The following RAB5C variants were observed in gnomAD, a reference collection of about 807,000 sequenced individuals.
RAB5C encodes the protein ras-related protein Rab-5C.
A neutral mutation model predicts 25.2 loss-of-function variants in RAB5C; 4 were observed. That is an observed-to-expected ratio of 0.16 (90% CI 0.08 to 0.36). The LOEUF (loss-of-function observed/expected upper bound fraction) is 0.36. RAB5C is among the 10% of genes least tolerant of loss of function. The pLI is 1.00. For synonymous variants in RAB5C, 100 were observed against 106.4 expected (o/e 0.94, Z 0.37); for missense variants, 199 against 283.8 (o/e 0.70, Z 2.15).
At position 42,125,441 on chromosome 17, in the gene RAB5C, C is replaced by G. The variant is rs1322021943; in HGVS notation, c.*342G>C. On this transcript the variant is annotated 3_prime_UTR_variant, in exon 6 of 6. Coordinates refer to ENST00000346213, the MANE Select transcript of RAB5C (RefSeq NM_004583.4). ...GAAAGAAAGGGTAGCTGCACTGACCCCACTGTCCCCATATACAAGGGTTGG... is the reference window on the plus strand; with the variant it reads ...GAAAGAAAGGGTAGCTGCACTGACCGCACTGTCCCCATATACAAGGGTTGG... 2 of 245,082 alleles carry G rather than the reference C, an allele frequency of 8.2e-6. No homozygotes were observed. Among genetic ancestry groups the G allele is most frequent in the African/African-American group, 4.5e-5 (2 of 43,994 alleles). The allele number at this position is 245,082 out of a possible 1,614,324, so 15.2% of individuals were successfully genotyped here. A position where few individuals can be genotyped will look rare whatever the true frequency, so the allele number is the denominator to read the frequency against.
intron 1 of RAB5C, among the ~76,000 whole-genome samples, chr17:42,135,935 T>C (rs1016339022): frequency 6.6e-5 from 10 of 152,170 alleles, no homozygotes; most frequent in East Asian, 1.9e-4. Context: ...GCGTAGAGAC[T>C]AGCTCACTCA....
intron 4 of RAB5C, among the ~76,000 whole-genome samples, chr17:42,127,756 TAA>T: frequency 6.6e-6 from 1 of 151,554 alleles, no homozygotes; most frequent in East Asian, 1.9e-4. Flanking sequence ...CTCGAACTCC[TAA>T]GCTCAAGTGA....
chr17:42,144,182 C>A (rs374446833), intron 1 of RAB5C, among the ~76,000 whole-genome samples: 4 of 152,152 alleles, frequency 2.6e-5, no homozygotes, highest in African/African-American at 7.2e-5. Context: ...ATAGGCCAGG[C>A]GCAGTGGCTC....
intron 1 of RAB5C, among the ~76,000 whole-genome samples, chr17:42,153,652 T>C (rs1438864306): frequency 6.6e-6 from 1 of 152,016 alleles, no homozygotes; most frequent in Non-Finnish European, 1.5e-5. Context: ...ATAGCAAGGG[T>C]CAGTCATGGC....
At chr17:42,131,438 A>G (rs1474316394) in intron 1 of RAB5C, among the ~76,000 whole-genome samples, 5 of 147,668 alleles carry the variant, frequency 3.4e-5, no homozygotes, top group Non-Finnish European at 7.4e-5. Context: ...ACACTGAAAC[A>G]CACACACACA....
chr17:42,131,247 G>A (rs1336203464), intron 1 of RAB5C, among the ~76,000 whole-genome samples: 2 of 152,150 alleles, frequency 1.3e-5, no homozygotes, highest in East Asian at 3.9e-4. Context: ...CTGTGCACCA[G>A]AATCAAAGCA....
chr17:42,126,704 G>A, intron 5 of RAB5C, 51 bp downstream of exon 5: 2 of 1,201,026 alleles, frequency 1.7e-6, no homozygotes, highest in Non-Finnish European at 1.2e-6. Context: ...CAGCAGACAG[G>A]TGATATGCCC....
chr17:42,150,239 T>A (rs2144101369), intron 1 of RAB5C, among the ~76,000 whole-genome samples: 1 of 152,066 alleles, frequency 6.6e-6, no homozygotes, highest in South Asian at 2.1e-4. Context: ...GTGCTAGGAT[T>A]ATAGGCATGA....
chr17:42,148,052 T>G (rs779537302), intron 1 of RAB5C, among the ~76,000 whole-genome samples: 1 of 151,308 alleles, frequency 6.6e-6, no homozygotes, highest in South Asian at 2.1e-4. Flanking sequence ...GAGCTGAGAT[T>G]GTGCCATTGC....
Position 42,128,819 on chromosome 17 carries a change from G to T in RAB5C, c.167-19C>A. The T allele has an allele frequency of 6.9e-7, 1 of 1,451,952 alleles. No individual in the cohort carries two copies. The highest frequency in any genetic ancestry group is 9.1e-7 in the Non-Finnish European group (1 of 1,097,788). The allele number at this position is 1,451,952 out of a possible 1,614,324, so 89.9% of individuals were successfully genotyped here. A position where few individuals can be genotyped will look rare whatever the true frequency, so the allele number is the denominator to read the frequency against. ...AAGGCCGCTGTAAGAGAGAAGGAGC[G>T]TCCATGGGCAAGAGCGAGTTGGAAT... On this transcript the variant is annotated intron_variant, in intron 2 of 5. Coordinates refer to ENST00000346213, the MANE Select transcript of RAB5C (RefSeq NM_004583.4).
intron 1 of RAB5C, among the ~76,000 whole-genome samples, chr17:42,142,996 C>T (rs758500014): frequency 4.6e-5 from 7 of 152,220 alleles, no homozygotes; most frequent in Non-Finnish European, 1.0e-4. Context: ...CATCTTCCCA[C>T]ACCTCCATAG....
chr17:42,149,830 T>G (rs1348435131), intron 1 of RAB5C, among the ~76,000 whole-genome samples: 3 of 152,022 alleles, frequency 2.0e-5, no homozygotes, highest in Non-Finnish European at 2.9e-5. Context: ...CAGCAGACAT[T>G]TTGTTTTTGT....
chr17:42,126,587 G>T, intron 5 of RAB5C, 168 bp downstream of exon 5: 1 of 372,584 alleles, frequency 2.7e-6, no homozygotes, highest in South Asian at 4.3e-5. Flanking sequence ...AGTCGAGATC[G>T]TGCCACTGAA....
rs1054592414 is a variant in RAB5C, at chr17:42,154,923, G to T, written c.-119C>A. On this transcript the variant is annotated 5_prime_UTR_variant, in exon 1 of 6. Coordinates refer to ENST00000346213, the MANE Select transcript of RAB5C (RefSeq NM_004583.4). ...CTCCGGGGCGGCGGCGTTACTTGGG[G>T]CCGGGGCTCGGACGGGATCCGCTTC... is the stretch of plus-strand genomic sequence containing the variant. The T allele has an allele frequency of 6.6e-6, 1 of 152,424 alleles. No homozygotes were observed. The highest frequency in any genetic ancestry group is 6.5e-5 in the Admixed American group (1 of 15,280). 9.4% of individuals were successfully genotyped at this position (152,424 alleles called of 1,614,324 possible). A position where few individuals can be genotyped will look rare whatever the true frequency, so the allele number is the denominator to read the frequency against.
intron 1 of RAB5C, among the ~76,000 whole-genome samples, chr17:42,149,779 G>T (rs1156977813): frequency 6.6e-6 from 1 of 151,644 alleles, no homozygotes; most frequent in East Asian, 1.9e-4. Flanking sequence ...TCTACAAAAT[G>T]AGACAATTTG....
At chr17:42,138,695 C>T (rs911837880) in intron 1 of RAB5C, among the ~76,000 whole-genome samples, 2 of 152,182 alleles carry the variant, frequency 1.3e-5, no homozygotes, top group Non-Finnish European at 2.9e-5. Context: ...ATGGGGTCCA[C>T]CAGAGCCCCA....
At position 42,125,754 on chromosome 17, in the gene RAB5C, G is replaced by GGCGGGGGCA; in HGVS notation, c.*20_*28dup. 6.6e-7 allele frequency: 1 copy of GGCGGGGGCA among 1,504,484 alleles called. No homozygotes were observed. The highest frequency in any genetic ancestry group is 9.1e-7 in the Non-Finnish European group (1 of 1,103,140). The allele number at this position is 1,504,484 out of a possible 1,614,324, so 93.2% of individuals were successfully genotyped here. On this transcript the variant is annotated 3_prime_UTR_variant, in exon 6 of 6. Coordinates refer to ENST00000346213, the MANE Select transcript of RAB5C (RefSeq NM_004583.4). ...CCAGTCGGGTCATTCAGGCGGAGGA[G>GGCGGGGGCA]GCGGGGGCAGCGGGCAGGCAAGGGG...
intron 1 of RAB5C, among the ~76,000 whole-genome samples, chr17:42,133,700 C>A (rs2054508818): frequency 6.6e-6 from 1 of 152,238 alleles, no homozygotes; most frequent in South Asian, 2.1e-4. Flanking sequence ...TTCTGAATCA[C>A]TTTGTAGAAG....
chr17:42,147,144 AAGAGAGAGAG>A (rs572493429), intron 1 of RAB5C, among the ~76,000 whole-genome samples: 13 of 99,674 alleles, frequency 1.3e-4, no homozygotes, highest in African/African-American at 5.3e-4. Flanking sequence ...GAAAGAAAGA[AAGAGAGAGAG>A]AGAGAGAGAG....
Sources: allele counts gnomAD v4.1 joint callset (sites outside exome capture counted in the v4.1 genomes callset), GRCh38; gene constraint gnomAD v4.1.1; transcripts MANE v1.5; gene names NCBI Gene and HGNC (gene_info 2026-07-23, HGNC 2026-07-21).